The following WDR7 variants were observed in gnomAD, a reference collection of about 807,000 sequenced individuals.
The protein encoded by WDR7 is WD repeat domain 7, also known as WD repeat-containing protein 7.
WDR7 carries 46 observed loss-of-function variants against 169.4 expected under a neutral mutation model. The ratio of observed to expected loss-of-function variants is 0.27; its 90% CI spans 0.21 to 0.35. The LOEUF (loss-of-function observed/expected upper bound fraction) is 0.35, where lower values mean the gene tolerates loss of function less well. WDR7 is among the 10% of genes least tolerant of loss of function. The pLI is 1.00. For synonymous variants in WDR7, 612 were observed against 666.8 expected (o/e 0.92, Z 1.27); for missense variants, 1,534 against 1,859.3 (o/e 0.83, Z 3.22).
intron 21 of WDR7, among the ~76,000 whole-genome samples, chr18:56,918,058 G>C (rs899361724): frequency 3.3e-5 from 5 of 152,130 alleles, no homozygotes; most frequent in Non-Finnish European, 5.9e-5. Flanking sequence ...GTTTCATTTT[G>C]ATTTGTCTTC....
At position 57,027,006 on chromosome 18, in the gene WDR7, G is replaced by GAA; in HGVS notation, c.4273_4274dup (p.Asn1425LysfsTer12). On this transcript the variant is annotated frameshift_variant, in exon 28 of 28. Coordinates refer to ENST00000254442, the MANE Select transcript of WDR7 (RefSeq NM_015285.3). LOFTEE classifies it high-confidence loss of function. ...CATGTGCTCTCCTGTCCCTCCAGAT[G>GAA]AACACGTCACTGCTGGGAAGCATCG... 6.2e-7 allele frequency: 1 copy of GAA among 1,613,618 alleles called. No individual in the cohort carries two copies. Among genetic ancestry groups the GAA allele is most frequent in the Non-Finnish European group, 8.5e-7 (1 of 1,179,848 alleles).
chr18:56,682,890 T>C (rs780856327), intron 5 of WDR7, 37 bp downstream of exon 5: 8 of 1,579,390 alleles, frequency 5.1e-6, no homozygotes, highest in African/African-American at 2.7e-5. Flanking sequence ...TTTAGCACCA[T>C]GACTTAATGT....
chr18:56,912,894 T>G (rs77139483), intron 21 of WDR7, among the ~76,000 whole-genome samples: 1 of 151,872 alleles, frequency 6.6e-6, no homozygotes, highest in East Asian at 1.9e-4. Context: ...TTTTTTTTTT[T>G]GAGACGGTCT....
chr18:56,791,468 C>G (rs1212941618), intron 19 of WDR7, among the ~76,000 whole-genome samples: 3 of 152,114 alleles, frequency 2.0e-5, no homozygotes, highest in Non-Finnish European at 2.9e-5. Context: ...CCCCTTCTAG[C>G]AGGTGGCTAC....
intron 2 of WDR7, among the ~76,000 whole-genome samples, chr18:56,677,284 A>G (rs1397695905): frequency 6.6e-6 from 1 of 152,116 alleles, no homozygotes; most frequent in Non-Finnish European, 1.5e-5. Flanking sequence ...TAAATATGTC[A>G]TGCCACTCTC....
intron 19 of WDR7, among the ~76,000 whole-genome samples, chr18:56,807,943 T>G (rs1457253094): frequency 6.6e-6 from 1 of 152,208 alleles, no homozygotes; most frequent in Non-Finnish European, 1.5e-5. Context: ...ACTGTTAATT[T>G]CATATTTTTG....
chr18:56,825,220 T>G (rs2045178299), intron 20 of WDR7, among the ~76,000 whole-genome samples: 1 of 152,238 alleles, frequency 6.6e-6, no homozygotes, highest in South Asian at 2.1e-4. Context: ...TTCATAATAC[T>G]ATTTTCCAGT....
intron 20 of WDR7, among the ~76,000 whole-genome samples, chr18:56,862,280 G>C (rs563888608): frequency 1.3e-5 from 2 of 151,616 alleles, no homozygotes; most frequent in African/African-American, 4.8e-5. Context: ...ATCAAGTAAT[G>C]CATTTTGAAG....
At chr18:56,976,348 C>G (rs186170104) in intron 26 of WDR7, among the ~76,000 whole-genome samples, 33 of 152,196 alleles carry the variant, frequency 2.2e-4, no homozygotes, top group Admixed American at 9.2e-4. Flanking sequence ...GAAAGACTGA[C>G]ATGAGACAAC....
chr18:57,002,760 T>C (rs2048002430), intron 26 of WDR7, among the ~76,000 whole-genome samples: 1 of 152,172 alleles, frequency 6.6e-6, no homozygotes, highest in Non-Finnish European at 1.5e-5. Context: ...ATTTTCTAGT[T>C]GTCATTTGCC....
intron 16 of WDR7, among the ~76,000 whole-genome samples, chr18:56,761,651 C>T (rs1028868549): frequency 1.3e-5 from 2 of 151,616 alleles, no homozygotes; most frequent in South Asian, 2.1e-4. Context: ...TTTAGGTGTT[C>T]TTTATCTATC....
intron 20 of WDR7, among the ~76,000 whole-genome samples, chr18:56,817,720 T>G (rs963864131): frequency 6.6e-6 from 1 of 152,102 alleles, no homozygotes; most frequent in Admixed American, 6.5e-5. Context: ...TTTTGGTAGC[T>G]GCTAAAGAAA....
intron 19 of WDR7, among the ~76,000 whole-genome samples, chr18:56,809,437 A>T (rs2044831705): frequency 1.3e-5 from 2 of 152,160 alleles, no homozygotes; most frequent in Non-Finnish European, 2.9e-5. Flanking sequence ...AAAGTAAGTA[A>T]ACCGTAGCTT....
At chr18:56,818,721 A>T (rs1181321164) in intron 20 of WDR7, among the ~76,000 whole-genome samples, 3 of 152,224 alleles carry the variant, frequency 2.0e-5, no homozygotes, top group African/African-American at 4.8e-5. Context: ...AAATTGCATT[A>T]TGAAAAATAT....
At chr18:57,026,530 A>G (rs2048368212) in intron 27 of WDR7, among the ~76,000 whole-genome samples, 1 of 152,262 alleles carries the variant, frequency 6.6e-6, no homozygotes, top group Admixed American at 6.5e-5. Context: ...GCTTTATTTG[A>G]TCCAATTGTC....
intron 26 of WDR7, among the ~76,000 whole-genome samples, chr18:57,015,782 G>A (rs2048197695): frequency 6.6e-6 from 1 of 152,246 alleles, no homozygotes; most frequent in Admixed American, 6.5e-5. Context: ...GTATCATTAA[G>A]TGGGAGCAGC....
rs547658880 is a variant in WDR7, at chr18:56,725,291, T to C, written c.1775-6092T>C. On this transcript the variant is annotated intron_variant, in intron 13 of 27. Coordinates refer to ENST00000254442, the MANE Select transcript of WDR7 (RefSeq NM_015285.3). ...CCAACAGTGTAAAAGTGTTCCTATT[T>C]CTCTACATCCTCTCCAGCACCTGTT... Among the ~76,000 whole-genome samples, 8 of 150,998 alleles carry C rather than the reference T, an allele frequency of 5.3e-5. 1 individual carries two copies. The highest frequency in any genetic ancestry group is 1.7e-4 in the African/African-American group (7 of 40,270).
intron 16 of WDR7, among the ~76,000 whole-genome samples, chr18:56,767,336 T>G (rs1169375046): frequency 1.3e-5 from 2 of 152,248 alleles, no homozygotes; most frequent in African/African-American, 2.4e-5. Context: ...CCCTTCTTTC[T>G]GTACATTGAA....
Position 57,008,742 on chromosome 18 carries a change from C to T in WDR7, c.4165-12003C>T, listed in dbSNP as rs78536098. Among the ~76,000 whole-genome samples the T allele has an allele frequency of 8.2e-3, 1,253 of 152,314 alleles. 17 individuals carry two copies. Among genetic ancestry groups the T allele is most frequent in the African/African-American group, 0.029 (1,192 of 41,564 alleles). On this transcript the variant is annotated intron_variant, in intron 26 of 27. Coordinates refer to ENST00000254442, the MANE Select transcript of WDR7 (RefSeq NM_015285.3). ...TGACATCTTCAGCACATCTCTATTA[C>T]GCTGTTGATTGCACCATACCATAGT...
Sources: allele counts gnomAD v4.1 joint callset (sites outside exome capture counted in the v4.1 genomes callset), GRCh38; gene constraint gnomAD v4.1.1; transcripts MANE v1.5; gene names NCBI Gene and HGNC (gene_info 2026-07-23, HGNC 2026-07-21).